The following PKIB variants were observed in gnomAD, a reference collection of about 807,000 sequenced individuals.
The protein encoded by PKIB is cAMP-dependent protein kinase inhibitor beta.
In PKIB, 2 loss-of-function variants were observed where a neutral mutation model predicts 4.5. The observed-to-expected ratio is 0.44, with a 90% CI of 0.18 to 1.39. The LOEUF is 1.39. Ranked by LOEUF, PKIB falls within the 40% of genes most tolerant of loss-of-function variation. PKIB has a pLI of 0.27. For missense variants in PKIB, 94 were observed against 92.6 expected, an observed-to-expected ratio of 1.02 and a Z score of -0.06; for synonymous variants, 38 against 36.0, an observed-to-expected ratio of 1.06 and a Z score of -0.20.
At chr6:122,580,016 CCT>C (rs1434722512) in intron 2 of PKIB, among the ~76,000 whole-genome samples, 1 of 152,140 alleles carries the variant, frequency 6.6e-6, no homozygotes, top group Admixed American at 6.5e-5. Context: ...AAAATTAATA[CCT>C]CTCATTTAAT....
intron 3 of PKIB, among the ~76,000 whole-genome samples, chr6:122,601,332 G>T (rs1240392571): frequency 6.6e-6 from 1 of 151,982 alleles, no homozygotes; most frequent in African/African-American, 2.4e-5. Context: ...ATATTAAAAT[G>T]ACTTAAAATT....
intron 2 of PKIB, among the ~76,000 whole-genome samples, chr6:122,536,299 GTTA>G (rs1157975923): frequency 6.6e-6 from 1 of 152,148 alleles, no homozygotes; most frequent in Non-Finnish European, 1.5e-5. Context: ...TGGAAAAATT[GTTA>G]TTAAGGTATT....
intron 2 of PKIB, among the ~76,000 whole-genome samples, chr6:122,487,947 C>G (rs1775816729): frequency 6.6e-6 from 1 of 152,098 alleles, no homozygotes; most frequent in Non-Finnish European, 1.5e-5. Context: ...ACATTTATCA[C>G]TCGTTTAAAG....
At chr6:122,675,526 A>G (rs1327615289) in intron 3 of PKIB, among the ~76,000 whole-genome samples, 1 of 152,184 alleles carries the variant, frequency 6.6e-6, no homozygotes, top group African/African-American at 2.4e-5. Context: ...AAGGGAAGAA[A>G]TAGTATTCTG....
At chr6:122,502,774 G>T (rs2114562423) in intron 2 of PKIB, among the ~76,000 whole-genome samples, 1 of 152,228 alleles carries the variant, frequency 6.6e-6, no homozygotes, top group African/African-American at 2.4e-5. Context: ...TTTTGGAGAT[G>T]AATTCTGCAG....
intron 2 of PKIB, among the ~76,000 whole-genome samples, chr6:122,667,754 ATG>A (rs991558810): frequency 3.3e-5 from 5 of 152,228 alleles, no homozygotes; most frequent in Admixed American, 6.5e-5. Flanking sequence ...TACAAAAAAA[ATG>A]TGAATCTGCT....
At chr6:122,508,355 A>G (rs1776481108) in intron 2 of PKIB, among the ~76,000 whole-genome samples, 1 of 152,194 alleles carries the variant, frequency 6.6e-6, no homozygotes, top group African/African-American at 2.4e-5. Flanking sequence ...AAGGGTTAAC[A>G]CCAGTTTTTT....
At chr6:122,681,268 CTGTT>C (rs1445669219) in intron 3 of PKIB, among the ~76,000 whole-genome samples, 3 of 152,032 alleles carry the variant, frequency 2.0e-5, no homozygotes, top group East Asian at 1.9e-4. Context: ...AATTATAAAA[CTGTT>C]TGGGCAGGCA....
chr6:122,633,902 G>A (rs1189112753), intron 2 of PKIB, among the ~76,000 whole-genome samples: 9 of 151,716 alleles, frequency 5.9e-5, no homozygotes, highest in Non-Finnish European at 1.3e-4. Flanking sequence ...ACAGGTTTTT[G>A]TGTGCTGGTA....
intron 2 of PKIB, among the ~76,000 whole-genome samples, chr6:122,521,500 G>A (rs928120982): frequency 1.3e-5 from 2 of 151,956 alleles, no homozygotes; most frequent in Admixed American, 6.6e-5. Context: ...CTAACACGGT[G>A]AAACGCTGTC....
At chr6:122,693,518 C>A (rs1167283020) in intron 3 of PKIB, among the ~76,000 whole-genome samples, 2 of 152,170 alleles carry the variant, frequency 1.3e-5, no homozygotes, top group African/African-American at 2.4e-5. Context: ...AACAAACTGG[C>A]AGGATGACTT....
At chr6:122,676,785 A>G (rs1445708661) in intron 3 of PKIB, among the ~76,000 whole-genome samples, 1 of 152,228 alleles carries the variant, frequency 6.6e-6, no homozygotes, top group Non-Finnish European at 1.5e-5. Flanking sequence ...GAAAAGGTGC[A>G]TTAAATGTTT....
At chr6:122,628,449 C>T (rs1775557475) in intron 1 of PKIB, among the ~76,000 whole-genome samples, 1 of 152,202 alleles carries the variant, frequency 6.6e-6, no homozygotes, top group Admixed American at 6.5e-5. Flanking sequence ...AGAGCAAAGT[C>T]TGAATCTCTC....
intron 2 of PKIB, among the ~76,000 whole-genome samples, chr6:122,662,308 C>CTTTTGTTTTT (rs1777031203): frequency 7.5e-5 from 1 of 13,252 alleles, no homozygotes; most frequent in Non-Finnish European, 1.5e-4. Flanking sequence ...TCCTTGTCTC[C>CTTTTGTTTTT]TTTTTTTTTT....
intron 3 of PKIB, among the ~76,000 whole-genome samples, chr6:122,715,894 G>T (rs1053195348): frequency 1.3e-5 from 2 of 151,978 alleles, no homozygotes; most frequent in African/African-American, 4.8e-5. Context: ...TGCTGACTTA[G>T]CAGCTGTGCA....
At chr6:122,583,921 A>G (rs1773780019) in intron 2 of PKIB, among the ~76,000 whole-genome samples, 1 of 152,088 alleles carries the variant, frequency 6.6e-6, no homozygotes. Flanking sequence ...CACTTGGATG[A>G]AGAACTGGAG....
At chr6:122,613,173 T>C (rs1366352538) in intron 1 of PKIB, among the ~76,000 whole-genome samples, 1 of 152,174 alleles carries the variant, frequency 6.6e-6, no homozygotes, top group Non-Finnish European at 1.5e-5. Flanking sequence ...AGTTTGAAAA[T>C]TGTATTTTAA....
intron 3 of PKIB, among the ~76,000 whole-genome samples, chr6:122,694,506 T>C (rs762524814): frequency 5.9e-5 from 9 of 152,224 alleles, no homozygotes; most frequent in Non-Finnish European, 1.3e-4. Flanking sequence ...TAAATTCACT[T>C]TTTCAGTCTC....
intron 2 of PKIB, among the ~76,000 whole-genome samples, chr6:122,522,850 C>T (rs1002122528): frequency 2.6e-5 from 4 of 152,224 alleles, no homozygotes; most frequent in African/African-American, 9.6e-5. Context: ...GGAGCTATTC[C>T]TGTTTGGACA....
Sources: gnomAD v4.1 joint callset for allele counts (sites outside exome capture counted in the v4.1 genomes callset) on GRCh38, gnomAD v4.1.1 for gene constraint, MANE v1.5 for transcripts, NCBI Gene and HGNC (gene_info 2026-07-23, HGNC 2026-07-21) for gene names.